Variants in WWC1 observed in about 807,000 individuals in gnomAD.
WWC1 encodes the protein protein KIBRA.
A neutral mutation model predicts 138.4 loss-of-function variants in WWC1; 55 were observed. The observed-to-expected ratio is 0.40, with a 90% confidence interval of 0.32 to 0.50. The LOEUF is 0.50. Ranked by LOEUF, WWC1 falls within the 20% of genes least tolerant of loss-of-function variation. The pLI is 0.72. For missense variants in WWC1, 1,226 were observed against 1,420.4 expected, an observed-to-expected ratio of 0.86 and a Z score of 2.20; for synonymous variants, 524 against 564.9, an observed-to-expected ratio of 0.93 and a Z score of 1.03.
chr5:168,294,106 C>G (rs937564017), intron 1 of WWC1, among the ~76,000 whole-genome samples: 1 of 152,090 alleles, frequency 6.6e-6, no homozygotes, highest in African/African-American at 2.4e-5. Context: ...CCGCCCCTGC[C>G]AACACTGATA....
At chr5:168,407,853 T>A (rs1779917455) in intron 6 of WWC1, among the ~76,000 whole-genome samples, 1 of 151,582 alleles carries the variant, frequency 6.6e-6, no homozygotes, top group Non-Finnish European at 1.5e-5. Context: ...AGATAGGACC[T>A]GCGATTCTTC....
In WWC1 at chr5:168,469,108, T is replaced by C. The variant is rs1343257542; in HGVS notation, c.*91T>C. ...TTTATGTGGTGTTATATGAAGGTAC[T>C]GAGTCACAAGTCCTCTAGTGCTCTT... On this transcript the variant is annotated 3_prime_UTR_variant, in exon 23 of 23. Transcript: ENST00000265293. 8 of 1,515,032 alleles carry C rather than the reference T, an allele frequency of 5.3e-6. No individual in the cohort carries two copies. The highest frequency in any genetic ancestry group is 7.3e-6 in the Non-Finnish European group (8 of 1,095,626). The allele number at this position is 1,515,032 out of a possible 1,614,324, so 93.8% of individuals were successfully genotyped here. A position where few individuals can be genotyped will look rare whatever the true frequency, so the allele number is the denominator to read the frequency against.
Position 168,425,475 on chromosome 5 carries a change from G to C in WWC1, c.1810+1407G>C, listed in dbSNP as rs983944353. On this transcript the variant is annotated intron_variant, in intron 11 of 22. Coordinates refer to ENST00000265293, the MANE Select transcript of WWC1 (RefSeq NM_015238.3). ...AAGCCTTACAACACCTCTGGGAAGT[G>C]GGTGCTATTTTTAATCTCCTTTTTT... 3.3e-5 allele frequency among the ~76,000 whole-genome samples: 5 copies of C among 150,996 alleles called. No homozygotes were observed. In the Admixed American group the frequency reaches 3.3e-4, roughly 10 times the overall value.
At chr5:168,370,843 G>A (rs569410575) in intron 1 of WWC1, among the ~76,000 whole-genome samples, 6 of 152,206 alleles carry the variant, frequency 3.9e-5, no homozygotes, top group Non-Finnish European at 8.8e-5. Context: ...CTAAGGAAGC[G>A]CCATTGTGGG....
intron 8 of WWC1, chr5:168,410,210 T>C: frequency 1.9e-6 from 1 of 536,954 alleles, no homozygotes; most frequent in East Asian, 3.0e-5. Context: ...AGAGTGAAAC[T>C]ATGCTTTGAA....
At chr5:168,322,090 A>G (rs565808252) in intron 1 of WWC1, among the ~76,000 whole-genome samples, 2 of 152,102 alleles carry the variant, frequency 1.3e-5, no homozygotes, top group Non-Finnish European at 1.5e-5. Flanking sequence ...TTAACTTTCA[A>G]CCTCTTACAA....
chr5:168,464,588 C>A, intron 20 of WWC1, 141 bp from the exon 21 acceptor site: 1 of 1,383,384 alleles, frequency 7.2e-7, no homozygotes, highest in Non-Finnish European at 9.6e-7. Flanking sequence ...GAATTCAAAA[C>A]AGGCTTCCCA....
chr5:168,292,408 C>G lies in WWC1; in HGVS notation c.119+137C>G. The G allele has an allele frequency of 3.9e-6, 4 of 1,013,732 alleles. No individual in the cohort carries two copies. 62.8% of individuals were successfully genotyped at this position (1,013,732 alleles called of 1,614,324 possible). The stretch of plus-strand genomic sequence containing the variant: ...TGAGCTCTCTTCAGTTCGCCACCCC[C>G]TGCTCCCCCCAACCTTCTGGAGCGC... On this transcript the variant is annotated intron_variant, in intron 1 of 22. Transcript: ENST00000265293. The surrounding 1 kb of genome is among the most constrained non-coding windows in gnomAD (Gnocchi z 4.4).
chr5:168,336,693 C>T (rs1477307), intron 1 of WWC1, among the ~76,000 whole-genome samples: 89,424 of 151,876 alleles, frequency 0.59, 28,311 homozygotes, highest in African/African-American at 0.84. Context: ...CTGACTCCAC[C>T]GTAGGGAAGA....
chr5:168,445,863 G>A (rs966722642), intron 17 of WWC1, among the ~76,000 whole-genome samples: 3 of 152,136 alleles, frequency 2.0e-5, no homozygotes, highest in Non-Finnish European at 2.9e-5. Flanking sequence ...CAAGATGGCT[G>A]CTGGATCACC....
intron 6 of WWC1, among the ~76,000 whole-genome samples, chr5:168,407,322 GA>G (rs34501358): frequency 0.12 from 17,595 of 152,072 alleles, 1,121 homozygotes; most frequent in Non-Finnish European, 0.14. Flanking sequence ...CCATCCTACA[GA>G]AAAAAGACTG....
chr5:168,343,820 A>G (rs74667085), intron 1 of WWC1, among the ~76,000 whole-genome samples: 1 of 148,792 alleles, frequency 6.7e-6, no homozygotes, highest in African/African-American at 2.5e-5. Context: ...ATGTCTCAAA[A>G]AAAAAAAAAA....
At chr5:168,396,751 T>C (rs1377479831) in intron 3 of WWC1, among the ~76,000 whole-genome samples, 2 of 152,188 alleles carry the variant, frequency 1.3e-5, no homozygotes, top group Admixed American at 6.5e-5. Flanking sequence ...GTATTCACTT[T>C]CATAAGCCTT....
chr5:168,348,895 A>C (rs910844511), intron 1 of WWC1, among the ~76,000 whole-genome samples: 2 of 152,076 alleles, frequency 1.3e-5, no homozygotes, highest in African/African-American at 4.8e-5. Context: ...GAAAATTCCA[A>C]AGCTAACACA....
In WWC1 at chr5:168,357,493, T is replaced by TGC. The variant is rs374080598; in HGVS notation, c.120-13922_120-13921dup. On this transcript the variant is annotated intron_variant, in intron 1 of 22. Transcript: ENST00000265293. ...GTGTGTGTGTGTGTGTGTGTGTGTG[T>TGC]GCGCGCGCGCACGCATGCACGTGCG... Among the ~76,000 whole-genome samples the TGC allele has an allele frequency of 2.7e-3, 326 of 119,804 alleles. 2 individuals carry two copies. The highest frequency in any genetic ancestry group is 0.011 in the African/African-American group (249 of 23,236). The allele number at this position is 119,804 out of a possible 152,430, so 78.6% of individuals were successfully genotyped here. A position where few individuals can be genotyped will look rare whatever the true frequency, so the allele number is the denominator to read the frequency against.
chr5:168,343,616 G>A (rs965563527), intron 1 of WWC1, among the ~76,000 whole-genome samples: 3 of 152,132 alleles, frequency 2.0e-5, no homozygotes, highest in Non-Finnish European at 2.9e-5. Context: ...AAAGTCAAGA[G>A]GTCAAGACCA....
chr5:168,394,207 G>A (rs1170026158), intron 3 of WWC1, among the ~76,000 whole-genome samples: 2 of 152,158 alleles, frequency 1.3e-5, no homozygotes, highest in African/African-American at 4.8e-5. Flanking sequence ...AGTAATGCAT[G>A]CATATAACTA....
intron 19 of WWC1, among the ~76,000 whole-genome samples, chr5:168,457,140 AT>A (rs34063177): frequency 0.32 from 37,876 of 118,664 alleles, 5,788 homozygotes; most frequent in Middle Eastern, 0.46. Flanking sequence ...TAGAAAGGGC[AT>A]TTTTTTTTTT....
chr5:168,391,875 G>T (rs986938128), intron 3 of WWC1, among the ~76,000 whole-genome samples: 4 of 149,820 alleles, frequency 2.7e-5, no homozygotes, highest in Non-Finnish European at 4.4e-5. Flanking sequence ...AACCTACGTA[G>T]CAGACCTGAG....
Sources: allele counts gnomAD v4.1 joint callset (sites outside exome capture counted in the v4.1 genomes callset), GRCh38; gene constraint gnomAD v4.1.1; non-coding constraint Gnocchi (gnomAD v3.1); transcripts MANE v1.5; gene names NCBI Gene and HGNC (gene_info 2026-07-23, HGNC 2026-07-21).